Variants in CDH13 observed in about 807,000 individuals in gnomAD.
CDH13 encodes cadherin 13, also known as cadherin-13.
In CDH13, 24 loss-of-function variants were observed where a neutral mutation model predicts 63.8. That is an observed-to-expected ratio of 0.38 (90% CI 0.27 to 0.53). The LOEUF is 0.53. CDH13 is among the 20% of genes least tolerant of loss of function. CDH13 has a pLI of 0.85. For missense variants in CDH13, 1,049 were observed against 903.1 expected (o/e 1.16, Z -2.07); for synonymous variants, 503 against 355.3 (o/e 1.42, Z -4.67).
chr16:83,785,936 C>A (rs1431847983), intron 13 of CDH13, among the ~76,000 whole-genome samples: 1 of 152,124 alleles, frequency 6.6e-6, no homozygotes, highest in Non-Finnish European at 1.5e-5. Flanking sequence ...TTGTCCCCAC[C>A]CTAAAGACGT....
intron 1 of CDH13, among the ~76,000 whole-genome samples, chr16:82,736,059 C>A (rs16958387): frequency 7.2e-5 from 11 of 152,084 alleles, no homozygotes; most frequent in Non-Finnish European, 1.3e-4. Context: ...TCATGAAAAA[C>A]CTGAAGTGCA....
intron 5 of CDH13, among the ~76,000 whole-genome samples, chr16:83,232,236 A>AG (rs2040019722): frequency 6.7e-6 from 1 of 148,356 alleles, no homozygotes; most frequent in African/African-American, 2.5e-5. Flanking sequence ...TTAAAAAAAA[A>AG]AAAAAAGGCT....
chr16:83,131,214 A>G (rs1307679494), intron 4 of CDH13, among the ~76,000 whole-genome samples: 2 of 107,790 alleles, frequency 1.9e-5, no homozygotes, highest in Admixed American at 2.4e-4. Flanking sequence ...CCACAGACAC[A>G]CACAGGAGAC....
chr16:83,523,782 T>C (rs565317828), intron 7 of CDH13, among the ~76,000 whole-genome samples: 111 of 152,274 alleles, frequency 7.3e-4, no homozygotes, highest in African/African-American at 2.4e-3. Flanking sequence ...ACATTGAACA[T>C]TGGGAAAAGG....
intron 3 of CDH13, among the ~76,000 whole-genome samples, chr16:83,120,384 ATT>A (rs1424458896): frequency 6.6e-6 from 1 of 152,186 alleles, no homozygotes; most frequent in Non-Finnish European, 1.5e-5. Context: ...AATATCACCC[ATT>A]TGTGGGTATG....
chr16:83,755,458 C>G (rs1913429373), intron 11 of CDH13, among the ~76,000 whole-genome samples: 1 of 152,120 alleles, frequency 6.6e-6, no homozygotes, highest in East Asian at 1.9e-4. Flanking sequence ...AAAAGTTTAG[C>G]AAACCACAAG....
intron 2 of CDH13, among the ~76,000 whole-genome samples, chr16:83,024,282 A>C (rs970218339): frequency 6.6e-6 from 1 of 152,214 alleles, no homozygotes; most frequent in African/African-American, 2.4e-5. Flanking sequence ...ATTTATTTTA[A>C]TATTTATTTG....
intron 1 of CDH13, among the ~76,000 whole-genome samples, chr16:82,807,977 C>T (rs2151173708): frequency 6.6e-6 from 1 of 152,240 alleles, no homozygotes; most frequent in South Asian, 2.1e-4. Context: ...TAACGAGAGA[C>T]AGAATATTCC....
intron 6 of CDH13, among the ~76,000 whole-genome samples, chr16:83,469,421 C>T (rs1223340426): frequency 6.6e-6 from 1 of 152,140 alleles, no homozygotes; most frequent in East Asian, 1.9e-4. Context: ...GGGGGTCGAG[C>T]AGGCCTTCCA....
At chr16:83,246,317 T>A (rs1457234609) in intron 5 of CDH13, among the ~76,000 whole-genome samples, 4 of 152,172 alleles carry the variant, frequency 2.6e-5, no homozygotes, top group Non-Finnish European at 4.4e-5. Context: ...AATTATAATT[T>A]TCCCCCTGAT....
intron 8 of CDH13, among the ~76,000 whole-genome samples, chr16:83,611,809 G>A (rs1193554521): frequency 6.6e-6 from 1 of 151,998 alleles, no homozygotes; most frequent in Non-Finnish European, 1.5e-5. Context: ...TGCTAAATGT[G>A]ACATATTTGG....
At chr16:82,989,168 A>G (rs1317905265) in intron 2 of CDH13, among the ~76,000 whole-genome samples, 2 of 152,206 alleles carry the variant, frequency 1.3e-5, no homozygotes, top group African/African-American at 2.4e-5. Flanking sequence ...TGGGTATCCA[A>G]CTGATACCTG....
chr16:83,703,452 A>C (rs753955146), intron 10 of CDH13, among the ~76,000 whole-genome samples: 15 of 152,240 alleles, frequency 9.9e-5, no homozygotes, highest in Non-Finnish European at 2.2e-4. Flanking sequence ...ATATGCAGTG[A>C]TTAAAATTTT....
chr16:83,769,467 C>T (rs1158768742), intron 11 of CDH13, among the ~76,000 whole-genome samples: 1 of 152,130 alleles, frequency 6.6e-6, no homozygotes, highest in Non-Finnish European at 1.5e-5. Context: ...TTGAAGCTAG[C>T]TTGGAAAGAC....
At chr16:83,530,715 G>A (rs779958067) in intron 7 of CDH13, among the ~76,000 whole-genome samples, 4 of 152,166 alleles carry the variant, frequency 2.6e-5, no homozygotes, top group Non-Finnish European at 5.9e-5. Context: ...GAAGACTGAG[G>A]TTCACAGAGG....
chr16:83,466,754 C>A (rs369350141), intron 6 of CDH13, among the ~76,000 whole-genome samples: 3 of 152,196 alleles, frequency 2.0e-5, no homozygotes, highest in Admixed American at 6.5e-5. Flanking sequence ...CCTGGGTCAT[C>A]CCAAGGGTAT....
intron 4 of CDH13, among the ~76,000 whole-genome samples, chr16:83,213,696 GA>G (rs1251009165): frequency 6.6e-6 from 1 of 152,170 alleles, no homozygotes; most frequent in African/African-American, 2.4e-5. Flanking sequence ...GTGTGCTTAG[GA>G]GAACAAGAGG....
intron 10 of CDH13, among the ~76,000 whole-genome samples, chr16:83,683,512 G>A (rs181655449): frequency 6.6e-6 from 1 of 152,176 alleles, no homozygotes; most frequent in Non-Finnish European, 1.5e-5. Flanking sequence ...TTATTTCCCA[G>A]TATACGCTGA....
At chr16:82,981,623 C>G (rs531241893) in intron 2 of CDH13, among the ~76,000 whole-genome samples, 17 of 152,256 alleles carry the variant, frequency 1.1e-4, no homozygotes, top group African/African-American at 4.1e-4. Flanking sequence ...GTTCTCCTTC[C>G]TTCTTTAGGT....
Sources: gnomAD v4.1 joint callset for allele counts (sites outside exome capture counted in the v4.1 genomes callset) on GRCh38, gnomAD v4.1.1 for gene constraint, MANE v1.5 for transcripts, NCBI Gene and HGNC (gene_info 2026-07-23, HGNC 2026-07-21) for gene names.